Variants in DNAAF9 observed in about 807,000 individuals in gnomAD.
The protein encoded by DNAAF9 is shulin.
In DNAAF9, 90 loss-of-function variants were observed where a neutral mutation model predicts 167.0. That is an observed-to-expected ratio of 0.54 (90% confidence interval 0.45 to 0.64). The LOEUF is 0.64. Among genes scored for constraint, DNAAF9 ranks in the 30% least tolerant of loss-of-function variants. The pLI, the probability that DNAAF9 is intolerant of heterozygous loss-of-function variation, is 0.00. For synonymous variants in DNAAF9, 491 were observed against 508.8 expected (o/e 0.96, Z 0.47); for missense variants, 1,315 against 1,442.2 (o/e 0.91, Z 1.43).
chr20:3,253,105 C>T (rs1294604386), intron 36 of DNAAF9, among the ~76,000 whole-genome samples: 1 of 152,184 alleles, frequency 6.6e-6, no homozygotes, highest in Non-Finnish European at 1.5e-5. Context: ...AGATGGATCA[C>T]TTGAGCCCAG....
intron 29 of DNAAF9, among the ~76,000 whole-genome samples, chr20:3,277,679 T>G (rs1050404414): frequency 6.6e-6 from 1 of 152,054 alleles, no homozygotes; most frequent in Non-Finnish European, 1.5e-5. Context: ...CAAAATCTCC[T>G]TAATCTACCT....
chr20:3,339,490 A>C (rs995996095), intron 10 of DNAAF9, among the ~76,000 whole-genome samples: 2 of 152,086 alleles, frequency 1.3e-5, no homozygotes, highest in African/African-American at 4.8e-5. Context: ...GGGACTTCAA[A>C]TCCCTCTAGT....
chr20:3,250,862 T>A lies in DNAAF9; in HGVS notation c.*1710A>T, dbSNP rs1294719664. 6.6e-6 allele frequency: 1 copy of A among 152,198 alleles called. No individual in the cohort carries two copies. The highest frequency in any genetic ancestry group is 1.5e-5 in the Non-Finnish European group (1 of 68,040). The allele number at this position is 152,198 out of a possible 1,614,324, so 9.4% of individuals were successfully genotyped here. On this transcript the variant is annotated 3_prime_UTR_variant, in exon 37 of 37. Coordinates refer to ENST00000252032, the MANE Select transcript of DNAAF9 (RefSeq NM_001009984.3). ...TCAAGTTTGAGTTTTTAAAAAGAGT[T>A]CGGTAGAGCTAAAGGAAGCTACAGT...
intron 1 of DNAAF9, among the ~76,000 whole-genome samples, chr20:3,387,992 A>G (rs572476089): frequency 6.6e-6 from 1 of 150,700 alleles, no homozygotes; most frequent in South Asian, 2.1e-4. Context: ...TCTGAGCCCA[A>G]GAGGTTGAGG....
chr20:3,357,296 A>AC (rs2083298400), intron 7 of DNAAF9, among the ~76,000 whole-genome samples: 1 of 151,826 alleles, frequency 6.6e-6, no homozygotes, highest in East Asian at 1.9e-4. Flanking sequence ...ACATGGCAAA[A>AC]CCCCATCTCC....
chr20:3,284,516 C>A (rs1374417963), intron 27 of DNAAF9, among the ~76,000 whole-genome samples: 1 of 151,714 alleles, frequency 6.6e-6, no homozygotes, highest in African/African-American at 2.4e-5. Flanking sequence ...GCTAAACTGA[C>A]CCAACTGTAT....
At chr20:3,313,886 G>C (rs2069456416) in intron 20 of DNAAF9, among the ~76,000 whole-genome samples, 1 of 152,222 alleles carries the variant, frequency 6.6e-6, no homozygotes, top group Admixed American at 6.5e-5. Flanking sequence ...AAACAGGGTA[G>C]AACCAAGAGC....
At chr20:3,264,593 C>T (rs867208244) in intron 30 of DNAAF9, 69 bp from the exon 31 acceptor site, 167 of 826,402 alleles carry the variant, frequency 2.0e-4, no homozygotes, top group South Asian at 6.2e-4. Context: ...TTTCTTGAGA[C>T]GGAGTCTCGC....
chr20:3,303,427 T>C (rs1302085537), intron 21 of DNAAF9, among the ~76,000 whole-genome samples: 1 of 152,210 alleles, frequency 6.6e-6, no homozygotes, highest in Non-Finnish European at 1.5e-5. Flanking sequence ...TTTTGATTTT[T>C]AGTAGAGGTA....
In DNAAF9 at chr20:3,252,343, T is replaced by C. The variant is rs1437312807; in HGVS notation, c.*229A>G. 4.7e-6 allele frequency: 2 copies of C among 429,910 alleles called. No individual in the cohort carries two copies. The highest frequency in any genetic ancestry group is 8.8e-5 in the East Asian group (2 of 22,630). The allele number at this position is 429,910 out of a possible 1,614,324, so 26.6% of individuals were successfully genotyped here. A position where few individuals can be genotyped will look rare whatever the true frequency, so the allele number is the denominator to read the frequency against. ...TGCACACGTAGACGGGCAGGCCCCA[T>C]CTGCTCATCCTTGAGTATTCCCCCG... is the stretch of plus-strand genomic sequence containing the variant. On this transcript the variant is annotated 3_prime_UTR_variant, in exon 37 of 37. Transcript: ENST00000252032.
chr20:3,295,825 A>G, intron 23 of DNAAF9: 1 of 909,708 alleles, frequency 1.1e-6, no homozygotes, highest in Non-Finnish European at 1.8e-6. Context: ...AAATTCAAAA[A>G]TCAGTAAACA....
At chr20:3,274,367 T>C (rs2122828615) in intron 29 of DNAAF9, among the ~76,000 whole-genome samples, 1 of 152,306 alleles carries the variant, frequency 6.6e-6, no homozygotes, top group South Asian at 2.1e-4. Context: ...GGTCTTAAAC[T>C]CCTGACCTCA....
intron 25 of DNAAF9, among the ~76,000 whole-genome samples, chr20:3,293,784 G>A (rs1025863172): frequency 6.6e-6 from 1 of 151,864 alleles, no homozygotes; most frequent in African/African-American, 2.4e-5. Flanking sequence ...CCTGTATTAA[G>A]TGCAATGTGT....
At chr20:3,261,954 A>T (rs763023788) in intron 31 of DNAAF9, among the ~76,000 whole-genome samples, 1 of 152,068 alleles carries the variant, frequency 6.6e-6, no homozygotes, top group Non-Finnish European at 1.5e-5. Flanking sequence ...AGGAGGGTGG[A>T]TGCGAACAGA....
At position 3,278,960 on chromosome 20, in the gene DNAAF9, A is replaced by T; in HGVS notation, c.2613-11T>A. On this transcript the variant is annotated splice_polypyrimidine_tract_variant and intron_variant, in intron 28 of 36. Transcript: ENST00000252032. The stretch of plus-strand genomic sequence containing the variant: ...TTAGGAAAGAGAAATCTAGGGGGAA[A>T]AAAGGGGGAAATATTTAAAAACCAT... The T allele has an allele frequency of 6.3e-7, 1 of 1,582,732 alleles. No individual in the cohort carries two copies. The highest frequency in any genetic ancestry group is 8.7e-7 in the Non-Finnish European group (1 of 1,152,410).
At chr20:3,304,383 C>G in intron 21 of DNAAF9, 57 bp downstream of exon 21, 1 of 825,542 alleles carries the variant, frequency 1.2e-6, no homozygotes, top group Non-Finnish European at 2.2e-6. Flanking sequence ...TAGTTTTCCC[C>G]TCAAAAGTGT....
intron 29 of DNAAF9, among the ~76,000 whole-genome samples, chr20:3,275,694 C>A (rs2122834894): frequency 6.6e-6 from 1 of 152,314 alleles, no homozygotes; most frequent in African/African-American, 2.4e-5. Context: ...GTGAACAGGC[C>A]ATAGTGAGCG....
At chr20:3,369,392 T>C (rs1488187036) in intron 6 of DNAAF9, among the ~76,000 whole-genome samples, 1 of 152,076 alleles carries the variant, frequency 6.6e-6, no homozygotes, top group Non-Finnish European at 1.5e-5. Flanking sequence ...TTTTTTTTTT[T>C]TTCAGATGGA....
chr20:3,318,252 G>A (rs774982772), intron 17 of DNAAF9, 37 bp downstream of exon 17: 10 of 842,310 alleles, frequency 1.2e-5, no homozygotes, highest in Non-Finnish European at 1.9e-5. Flanking sequence ...AAAAAAAAAG[G>A]CTTAAGGTTT....
Sources: gnomAD v4.1 joint callset for allele counts (sites outside exome capture counted in the v4.1 genomes callset) on GRCh38, gnomAD v4.1.1 for gene constraint, MANE v1.5 for transcripts, NCBI Gene and HGNC (gene_info 2026-07-23, HGNC 2026-07-21) for gene names.